GABRB1: variants seen among roughly 807,000 people sequenced by gnomAD.
GABRB1 encodes the protein gamma-aminobutyric acid receptor subunit beta-1.
GABRB1 carries 17 observed loss-of-function variants against 51.6 expected under a neutral mutation model. The ratio of observed to expected loss-of-function variants is 0.33; its 90% CI spans 0.23 to 0.49. GABRB1 has a LOEUF of 0.49. Among genes scored for constraint, GABRB1 ranks in the 20% least tolerant of loss-of-function variants. The probability of loss-of-function intolerance (pLI) is 0.99; values close to 1 mark genes in which losing one functional copy is unlikely to be tolerated. For synonymous variants in GABRB1, 247 were observed against 218.9 expected (o/e 1.13, Z -1.14); for missense variants, 410 against 600.6 (o/e 0.68, Z 3.32).
chr4:47,140,732 C>T (rs1016413831), intron 3 of GABRB1, among the ~76,000 whole-genome samples: 2 of 151,080 alleles, frequency 1.3e-5, no homozygotes, highest in African/African-American at 4.9e-5. Flanking sequence ...TATTTATTTG[C>T]TCTTTCCTGT....
At chr4:47,321,664 C>T (rs558065169) in intron 5 of GABRB1, among the ~76,000 whole-genome samples, 30 of 152,164 alleles carry the variant, frequency 2.0e-4, no homozygotes, top group Non-Finnish European at 3.2e-4. Flanking sequence ...AACATTAGTT[C>T]GACAAGTAAA....
intron 3 of GABRB1, among the ~76,000 whole-genome samples, chr4:47,156,573 G>A (rs1717708540): frequency 6.6e-6 from 1 of 151,810 alleles, no homozygotes; most frequent in Non-Finnish European, 1.5e-5. Flanking sequence ...TATAAATCTA[G>A]GAAGAATGTT....
At chr4:47,365,310 T>C (rs911449750) in intron 5 of GABRB1, among the ~76,000 whole-genome samples, 1 of 152,258 alleles carries the variant, frequency 6.6e-6, no homozygotes, top group African/African-American at 2.4e-5. Context: ...TCTGTTTCAC[T>C]TTTTTGTTTG....
At chr4:47,044,137 C>G (rs1725981260) in intron 3 of GABRB1, among the ~76,000 whole-genome samples, 3 of 152,060 alleles carry the variant, frequency 2.0e-5, no homozygotes, top group African/African-American at 7.2e-5. Flanking sequence ...CTTGATCTGA[C>G]AGTGACGCCT....
chr4:47,014,314 C>T (rs180899513), intron 1 of GABRB1, among the ~76,000 whole-genome samples: 1 of 152,282 alleles, frequency 6.6e-6, no homozygotes, highest in Non-Finnish European at 1.5e-5. Flanking sequence ...TTGCAGCTAG[C>T]TATTCTTTGC....
intron 8 of GABRB1, among the ~76,000 whole-genome samples, chr4:47,408,335 G>A (rs1051436071): frequency 6.6e-6 from 1 of 152,222 alleles, no homozygotes; most frequent in African/African-American, 2.4e-5. Context: ...GGTAGAGCAA[G>A]AGCATAGTTA....
intron 5 of GABRB1, among the ~76,000 whole-genome samples, chr4:47,352,203 GT>G (rs1225909448): frequency 6.6e-6 from 1 of 152,132 alleles, no homozygotes; most frequent in Non-Finnish European, 1.5e-5. Flanking sequence ...CTGCATAAAT[GT>G]CTTCTTTCCA....
In GABRB1 at chr4:47,291,718, AGACTTGAGTGCCTTGCTG is replaced by A. The variant is rs1723740986; in HGVS notation, c.462-28406_462-28389del. ...CAAAGGAGATCTTTTTGGAGCTGTA[AGACTTGAGTGCCTTGCTG>A]GATTTCAGACTTGCATGGACCCTGT... On this transcript the variant is annotated intron_variant, in intron 4 of 8. Coordinates refer to ENST00000295454, the MANE Select transcript of GABRB1 (RefSeq NM_000812.4). Among the ~76,000 whole-genome samples the A allele has an allele frequency of 3.3e-5, 5 of 152,252 alleles. No individual in the cohort carries two copies. The South Asian group carries it at 1.0e-3, about 32-fold the overall frequency.
At chr4:47,310,695 T>C (rs191045082) in intron 4 of GABRB1, among the ~76,000 whole-genome samples, 47 of 152,272 alleles carry the variant, frequency 3.1e-4, no homozygotes, top group African/African-American at 8.2e-4. Flanking sequence ...TTAATTTTCT[T>C]ATCTTTGATA....
At chr4:47,213,683 A>G (rs571086213) in intron 4 of GABRB1, among the ~76,000 whole-genome samples, 11 of 152,202 alleles carry the variant, frequency 7.2e-5, no homozygotes, top group African/African-American at 2.4e-4. Flanking sequence ...AACATTTATC[A>G]GCTGACATCC....
chr4:47,112,894 A>C (rs544997193), intron 3 of GABRB1, among the ~76,000 whole-genome samples: 4 of 152,186 alleles, frequency 2.6e-5, no homozygotes, highest in Non-Finnish European at 2.9e-5. Flanking sequence ...CTAAGCTAAA[A>C]AGAAACCCTA....
chr4:47,181,926 C>G (rs1255823467), intron 4 of GABRB1, among the ~76,000 whole-genome samples: 3 of 151,994 alleles, frequency 2.0e-5, no homozygotes, highest in Non-Finnish European at 4.4e-5. Flanking sequence ...ATATTCATGT[C>G]TTGCTCAAAG....
intron 3 of GABRB1, chr4:47,043,375 A>T (rs1299098693): frequency 5.3e-5 from 8 of 152,052 alleles, no homozygotes; most frequent in Non-Finnish European, 5.9e-5. Context: ...CGTAAACAAC[A>T]TACCCCACAA....
chr4:47,115,917 A>AT (rs200109694), intron 3 of GABRB1, among the ~76,000 whole-genome samples: 2,142 of 152,266 alleles, frequency 0.014, 29 homozygotes, highest in Non-Finnish European at 0.021. Context: ...ATAGCATTCC[A>AT]TTTTTTAAAT....
intron 4 of GABRB1, among the ~76,000 whole-genome samples, chr4:47,272,008 T>C (rs887056805): frequency 7.2e-5 from 11 of 152,096 alleles, no homozygotes; most frequent in African/African-American, 2.4e-4. Context: ...AATAACTTTG[T>C]TATGTACATG....
intron 4 of GABRB1, among the ~76,000 whole-genome samples, chr4:47,177,111 A>C (rs1276269428): frequency 6.6e-6 from 1 of 152,114 alleles, no homozygotes; most frequent in Non-Finnish European, 1.5e-5. Flanking sequence ...CATTTTAAGA[A>C]CATCATTGAC....
intron 3 of GABRB1, among the ~76,000 whole-genome samples, chr4:47,076,608 A>G (rs1340396684): frequency 6.6e-6 from 1 of 151,948 alleles, no homozygotes; most frequent in African/African-American, 2.4e-5. Context: ...CTGAGAGGTT[A>G]CCCACCGCCC....
intron 5 of GABRB1, among the ~76,000 whole-genome samples, chr4:47,386,969 G>A (rs1272294188): frequency 6.6e-6 from 1 of 152,158 alleles, no homozygotes; most frequent in Admixed American, 6.5e-5. Flanking sequence ...AATATTAAAT[G>A]GATAAATGAT....
intron 4 of GABRB1, among the ~76,000 whole-genome samples, chr4:47,298,884 AACAG>A: frequency 6.6e-6 from 1 of 152,120 alleles, no homozygotes; most frequent in African/African-American, 2.4e-5. Flanking sequence ...CTGGTACCAA[AACAG>A]AGATATAGAC....
Sources: allele counts gnomAD v4.1 joint callset (sites outside exome capture counted in the v4.1 genomes callset), GRCh38; gene constraint gnomAD v4.1.1; transcripts MANE v1.5; gene names NCBI Gene and HGNC (gene_info 2026-07-23, HGNC 2026-07-21).